Variants in EPHA6 observed in about 807,000 individuals in gnomAD.
EPHA6 encodes the protein EPH receptor A6.
EPHA6 carries 50 observed loss-of-function variants against 112.0 expected under a neutral mutation model. That is an observed-to-expected ratio of 0.45 (90% CI 0.36 to 0.56). The LOEUF is 0.56. EPHA6 is among the 20% of genes least tolerant of loss of function. EPHA6 has a pLI of 0.00. For missense variants in EPHA6, 1,280 were observed against 1,417.4 expected (o/e 0.90, Z 1.56); for synonymous variants, 529 against 490.7 (o/e 1.08, Z -1.03).
intron 2 of EPHA6, among the ~76,000 whole-genome samples, chr3:96,924,122 T>C (rs765793936): frequency 6.6e-6 from 1 of 152,184 alleles, no homozygotes; most frequent in East Asian, 1.9e-4. Flanking sequence ...GTTTGGCCAT[T>C]TGGGCTCTTT....
intron 6 of EPHA6, among the ~76,000 whole-genome samples, chr3:97,411,901 C>T (rs2087741633): frequency 6.6e-6 from 1 of 152,116 alleles, no homozygotes; most frequent in Non-Finnish European, 1.5e-5. Flanking sequence ...CTTAACAAGA[C>T]CTACTGTTCA....
intron 10 of EPHA6, among the ~76,000 whole-genome samples, chr3:97,526,301 G>T (rs746371713): frequency 5.3e-5 from 8 of 152,198 alleles, no homozygotes; most frequent in Admixed American, 2.6e-4. Flanking sequence ...GCCATTTGAG[G>T]ATCCACTGTG....
At chr3:97,645,767 A>G (rs1407578981) in intron 14 of EPHA6, among the ~76,000 whole-genome samples, 1 of 152,152 alleles carries the variant, frequency 6.6e-6, no homozygotes, top group African/African-American at 2.4e-5. Flanking sequence ...CGTATAATTC[A>G]GTTTTTTTAA....
intron 14 of EPHA6, among the ~76,000 whole-genome samples, chr3:97,639,307 T>A (rs1324756752): frequency 6.6e-6 from 1 of 152,014 alleles, no homozygotes; most frequent in African/African-American, 2.4e-5. Flanking sequence ...AACTCCATTT[T>A]TAAATTGGAA....
intron 14 of EPHA6, among the ~76,000 whole-genome samples, chr3:97,708,310 G>A (rs2033788698): frequency 6.6e-6 from 1 of 152,326 alleles, no homozygotes. Context: ...CTGACATTTT[G>A]CCCCTACCCT....
intron 5 of EPHA6, among the ~76,000 whole-genome samples, chr3:97,363,349 G>T (rs2084514059): frequency 6.7e-6 from 1 of 149,762 alleles, no homozygotes; most frequent in Non-Finnish European, 1.5e-5. Context: ...CATTTGAAAT[G>T]CAGGCTTATG....
intron 6 of EPHA6, among the ~76,000 whole-genome samples, chr3:97,441,717 AC>A (rs2090143867): frequency 6.6e-6 from 1 of 152,046 alleles, no homozygotes; most frequent in Admixed American, 6.5e-5. Context: ...TACTATAGTG[AC>A]TAAAATATTT....
At chr3:97,745,300 T>A (rs1458582210) in intron 16 of EPHA6, 1 of 426,210 alleles carries the variant, frequency 2.3e-6, no homozygotes, top group Non-Finnish European at 4.6e-6. Context: ...ATTCAAGTAT[T>A]TGTTGGTAGA....
intron 6 of EPHA6, among the ~76,000 whole-genome samples, chr3:97,410,058 A>G (rs1008847772): frequency 6.6e-6 from 1 of 152,076 alleles, no homozygotes; most frequent in Non-Finnish European, 1.5e-5. Flanking sequence ...ATTATGGGAA[A>G]TATTTTTATC....
At chr3:96,982,890 T>C (rs2042856598) in intron 2 of EPHA6, among the ~76,000 whole-genome samples, 1 of 152,214 alleles carries the variant, frequency 6.6e-6, no homozygotes. Flanking sequence ...TGCCTTTTTT[T>C]GTTTTCCATT....
At chr3:97,511,600 G>C (rs1315811493) in intron 10 of EPHA6, among the ~76,000 whole-genome samples, 1 of 152,114 alleles carries the variant, frequency 6.6e-6, no homozygotes, top group Non-Finnish European at 1.5e-5. Flanking sequence ...CTCGCTGGGA[G>C]CTGCAGACCG....
intron 10 of EPHA6, among the ~76,000 whole-genome samples, chr3:97,528,977 A>G (rs1010320240): frequency 6.6e-5 from 10 of 152,170 alleles, no homozygotes; most frequent in Non-Finnish European, 1.0e-4. Context: ...TATTTGAGCA[A>G]GGTCTGCATT....
rs9866569 is a variant in EPHA6, at chr3:97,449,054, G to T, written c.1894+324G>T. ...TGAAAACTTGGGAGAGAATAAAGCC[G>T]TGAACAAATGGTTTAAGCAATTCAG... On this transcript the variant is annotated intron_variant, in intron 7 of 17. Coordinates refer to ENST00000389672, the MANE Select transcript of EPHA6 (RefSeq NM_001080448.3). 9.3e-3 allele frequency among the ~76,000 whole-genome samples: 1,419 copies of T among 152,188 alleles called. 10 individuals carry two copies. The highest frequency in any genetic ancestry group is 0.015 in the Non-Finnish European group (1,050 of 67,996).
intron 2 of EPHA6, among the ~76,000 whole-genome samples, chr3:96,937,158 A>T (rs2040634054): frequency 6.6e-6 from 1 of 152,126 alleles, no homozygotes; most frequent in South Asian, 2.1e-4. Context: ...TGGTATTTCT[A>T]GTTCTAGATC....
At position 96,907,527 on chromosome 3, in the gene EPHA6, T is replaced by C. The variant is rs117984650; in HGVS notation, c.450+40638T>C. ...TTATTATTTATAATTGCCTTAGTTT[T>C]ATTTACATTGATATTGCATCTTTTG... On this transcript the variant is annotated intron_variant, in intron 2 of 17. Coordinates refer to ENST00000389672, the MANE Select transcript of EPHA6 (RefSeq NM_001080448.3). Among the ~76,000 whole-genome samples, 69 of 151,976 alleles carry C rather than the reference T, an allele frequency of 4.5e-4. 2 individuals are homozygous for C. In the East Asian group the frequency reaches 0.013, roughly 28 times the overall value.
intron 3 of EPHA6, among the ~76,000 whole-genome samples, chr3:97,037,844 G>A (rs2045163619): frequency 6.6e-6 from 1 of 152,058 alleles, no homozygotes; most frequent in Admixed American, 6.6e-5. Flanking sequence ...AATGTTTGCA[G>A]AAGCATTGAA....
chr3:97,185,834 C>T (rs934771413), intron 3 of EPHA6, among the ~76,000 whole-genome samples: 13 of 152,074 alleles, frequency 8.5e-5, no homozygotes, highest in Middle Eastern at 3.4e-3. Flanking sequence ...CAATGATAGA[C>T]TGGATTAAGA....
intron 14 of EPHA6, among the ~76,000 whole-genome samples, chr3:97,714,036 T>C (rs2034104545): frequency 1.3e-5 from 2 of 152,214 alleles, no homozygotes; most frequent in South Asian, 4.1e-4. Flanking sequence ...TGTCAGAGAC[T>C]GTCCATCAGC....
chr3:97,148,643 T>TA (rs1404173264), intron 3 of EPHA6, among the ~76,000 whole-genome samples: 1 of 152,092 alleles, frequency 6.6e-6, no homozygotes, highest in Non-Finnish European at 1.5e-5. Flanking sequence ...ATTAAAATTT[T>TA]AAAAAATTAT....
Sources: allele counts gnomAD v4.1 joint callset (sites outside exome capture counted in the v4.1 genomes callset), GRCh38; gene constraint gnomAD v4.1.1; transcripts MANE v1.5; gene names NCBI Gene and HGNC (gene_info 2026-07-23, HGNC 2026-07-21).